TRPM3: variants seen among roughly 807,000 people sequenced by gnomAD.
TRPM3 encodes the protein transient receptor potential cation channel subfamily M member 3.
In TRPM3, 77 loss-of-function variants were observed where a neutral mutation model predicts 181.2. The ratio of observed to expected loss-of-function variants is 0.42; its 90% CI spans 0.35 to 0.51. The LOEUF is 0.51. TRPM3 is among the 20% of genes least tolerant of loss of function. The probability of loss-of-function intolerance (pLI) is 0.01; values close to 1 mark genes in which losing one functional copy is unlikely to be tolerated. For synonymous variants in TRPM3, 745 were observed against 796.4 expected, an observed-to-expected ratio of 0.94 and a Z score of 1.09; for missense variants, 1,759 against 2,196.7, an observed-to-expected ratio of 0.80 and a Z score of 3.98.
intron 9 of TRPM3, among the ~76,000 whole-genome samples, chr9:70,670,069 G>A (rs2062627491): frequency 6.6e-6 from 1 of 152,182 alleles, no homozygotes; most frequent in Admixed American, 6.5e-5. Flanking sequence ...ACTAATGGGA[G>A]AAGGAGTGGT....
At chr9:70,643,722 C>T (rs775897547) in intron 9 of TRPM3, among the ~76,000 whole-genome samples, 6 of 152,194 alleles carry the variant, frequency 3.9e-5, no homozygotes, top group Admixed American at 6.5e-5. Flanking sequence ...TTGGAATTGC[C>T]TAAAGAGCTT....
chr9:71,246,993 A>G (rs1267945828), intron 1 of TRPM3, among the ~76,000 whole-genome samples: 4 of 152,212 alleles, frequency 2.6e-5, no homozygotes, highest in Non-Finnish European at 5.9e-5. Context: ...GATTCAGGGA[A>G]CAGAGTCTAC....
chr9:71,011,782 G>T (rs114328645), intron 1 of TRPM3, among the ~76,000 whole-genome samples: 1,861 of 92,058 alleles, frequency 0.02, 29 homozygotes, highest in East Asian at 0.11. Context: ...TTTTTTTTTT[G>T]TTTTTTTGTT....
At chr9:71,244,270 T>A (rs1406753450) in intron 1 of TRPM3, among the ~76,000 whole-genome samples, 1 of 152,126 alleles carries the variant, frequency 6.6e-6, no homozygotes, top group Non-Finnish European at 1.5e-5. Flanking sequence ...AGAGTAGAGC[T>A]TTCTAAAGCA....
intron 9 of TRPM3, among the ~76,000 whole-genome samples, chr9:70,646,041 C>G (rs986467186): frequency 6.6e-6 from 1 of 152,184 alleles, no homozygotes; most frequent in African/African-American, 2.4e-5. Context: ...CAACTCACGC[C>G]AGTTAGAATG....
chr9:70,593,889 T>C (rs1370366591), intron 21 of TRPM3, among the ~76,000 whole-genome samples: 4 of 147,618 alleles, frequency 2.7e-5, no homozygotes, highest in Non-Finnish European at 4.5e-5. Context: ...ATAATACACA[T>C]ATATATAATA....
At chr9:70,699,968 C>T (rs1261492331) in intron 8 of TRPM3, among the ~76,000 whole-genome samples, 5 of 151,984 alleles carry the variant, frequency 3.3e-5, no homozygotes, top group African/African-American at 9.7e-5. Context: ...CATGGGGCTG[C>T]TCTTTTTTGT....
intron 1 of TRPM3, among the ~76,000 whole-genome samples, chr9:70,969,086 T>C (rs554178482): frequency 9.2e-5 from 14 of 152,058 alleles, no homozygotes; most frequent in Admixed American, 2.6e-4. Flanking sequence ...ATCTACAGAA[T>C]GGGGGAAAAT....
chr9:70,981,033 G>A (rs893827936), intron 1 of TRPM3, among the ~76,000 whole-genome samples: 1 of 152,176 alleles, frequency 6.6e-6, no homozygotes, highest in Admixed American at 6.5e-5. Flanking sequence ...TTTCTTGGGT[G>A]ATGGGGAAGC....
At chr9:70,915,534 T>C (rs1180303162) in intron 1 of TRPM3, among the ~76,000 whole-genome samples, 1 of 151,726 alleles carries the variant, frequency 6.6e-6, no homozygotes, top group Admixed American at 6.6e-5. Flanking sequence ...CTTGATCTCC[T>C]GACTTTGTGA....
At chr9:70,955,049 C>T (rs2133746057) in intron 1 of TRPM3, among the ~76,000 whole-genome samples, 1 of 152,246 alleles carries the variant, frequency 6.6e-6, no homozygotes, top group South Asian at 2.1e-4. Context: ...CTGTGTATTT[C>T]CTGCGTTTTC....
intron 6 of TRPM3, among the ~76,000 whole-genome samples, chr9:70,821,636 C>T (rs1003715680): frequency 9.2e-5 from 14 of 152,150 alleles, no homozygotes; most frequent in African/African-American, 3.4e-4. Context: ...AGGTGTGAGT[C>T]ACTTTTGATA....
chr9:70,755,171 C>T (rs1476339881), intron 8 of TRPM3, among the ~76,000 whole-genome samples: 2 of 151,956 alleles, frequency 1.3e-5, no homozygotes, highest in African/African-American at 4.8e-5. Context: ...ACAGAGAACA[C>T]CACAAAGATA....
At chr9:71,029,934 CCT>C (rs1237518440) in intron 1 of TRPM3, among the ~76,000 whole-genome samples, 1 of 152,100 alleles carries the variant, frequency 6.6e-6, no homozygotes, top group Non-Finnish European at 1.5e-5. Flanking sequence ...CAGACTGACC[CCT>C]GAGCCAAAAG....
intron 1 of TRPM3, among the ~76,000 whole-genome samples, chr9:70,939,477 G>C (rs10435962): frequency 0.018 from 2,733 of 152,262 alleles, 67 homozygotes; most frequent in East Asian, 0.097. Context: ...GAGCAACATA[G>C]GATCTGAATA....
Position 70,875,524 on chromosome 9 carries a change from G to T in TRPM3, c.178-11013C>A, listed in dbSNP as rs563856932. Among the ~76,000 whole-genome samples, 100 of 151,780 alleles carry T rather than the reference G, an allele frequency of 6.6e-4. 1 individual carries two copies. The highest frequency in any genetic ancestry group is 6.6e-3 in the Admixed American group (100 of 15,198). On this transcript the variant is annotated intron_variant, in intron 1 of 25. Coordinates refer to ENST00000677713, the MANE Select transcript of TRPM3 (RefSeq NM_001366145.2). ...TCCAATCATCCTTAAGAATGCCCTG[G>T]TTGAACAATTTGGCACATGTGTAAA...
intron 1 of TRPM3, among the ~76,000 whole-genome samples, chr9:71,434,118 C>T (rs1206245769): frequency 6.6e-6 from 1 of 152,180 alleles, no homozygotes; most frequent in African/African-American, 2.4e-5. Context: ...GAGATCATTC[C>T]ATTGCACTCC....
chr9:71,287,221 T>A (rs967471989), intron 1 of TRPM3, among the ~76,000 whole-genome samples: 2 of 150,678 alleles, frequency 1.3e-5, no homozygotes, highest in Non-Finnish European at 3.0e-5. Flanking sequence ...ATTTACCATC[T>A]AATTTGAGAA....
intron 1 of TRPM3, among the ~76,000 whole-genome samples, chr9:70,965,367 C>T (rs1279383406): frequency 6.6e-6 from 1 of 152,000 alleles, no homozygotes; most frequent in Non-Finnish European, 1.5e-5. Flanking sequence ...TTTTATCCCC[C>T]CCTTTTTGAA....
Sources: allele counts gnomAD v4.1 joint callset (sites outside exome capture counted in the v4.1 genomes callset), GRCh38; gene constraint gnomAD v4.1.1; transcripts MANE v1.5; gene names NCBI Gene and HGNC (gene_info 2026-07-23, HGNC 2026-07-21).